YEATS2: variants seen among roughly 807,000 people sequenced by gnomAD.
The protein encoded by YEATS2 is YEATS domain containing 2.
YEATS2 carries 77 observed loss-of-function variants against 163.2 expected under a neutral mutation model. That is an observed-to-expected ratio of 0.47 (90% CI 0.39 to 0.57). YEATS2 has a LOEUF of 0.57. Ranked by LOEUF, YEATS2 falls within the 20% of genes least tolerant of loss-of-function variation. The pLI is 0.00. For synonymous variants in YEATS2, 631 were observed against 645.1 expected (o/e 0.98, Z 0.33); for missense variants, 1,549 against 1,729.8 (o/e 0.90, Z 1.85).
At chr3:183,728,891 G>C (rs1717412032) in intron 7 of YEATS2, 40 bp downstream of exon 7, 1 of 1,555,632 alleles carries the variant, frequency 6.4e-7, no homozygotes, top group South Asian at 1.2e-5. Context: ...TTGAAATGCA[G>C]ACTTATTTTT....
intron 10 of YEATS2, among the ~76,000 whole-genome samples, chr3:183,752,891 G>T (rs1280342869): frequency 6.6e-6 from 1 of 151,624 alleles, no homozygotes; most frequent in Non-Finnish European, 1.5e-5. Context: ...TCCACCTCCT[G>T]GGTTCAAGCA....
chr3:183,771,017 T>C (rs1172621252), intron 15 of YEATS2, among the ~76,000 whole-genome samples: 1 of 152,232 alleles, frequency 6.6e-6, no homozygotes, highest in Non-Finnish European at 1.5e-5. Flanking sequence ...CTTGAACGCA[T>C]GTATGTTTCT....
intron 8 of YEATS2, among the ~76,000 whole-genome samples, chr3:183,746,657 C>CT (rs560422111): frequency 0.45 from 62,873 of 141,244 alleles, 13,917 homozygotes; most frequent in East Asian, 0.64. Flanking sequence ...CTAAAATTAC[C>CT]TTTTTTTTTT....
chr3:183,754,848 T>TA (rs1720549462), intron 11 of YEATS2, among the ~76,000 whole-genome samples: 2 of 152,214 alleles, frequency 1.3e-5, no homozygotes, highest in Admixed American at 1.3e-4. Flanking sequence ...TGAGTTGTCT[T>TA]GTTCACTAAG....
intron 15 of YEATS2, among the ~76,000 whole-genome samples, chr3:183,771,122 C>A (rs1464187547): frequency 6.6e-6 from 1 of 152,208 alleles, no homozygotes; most frequent in Non-Finnish European, 1.5e-5. Context: ...AATGGCTGTC[C>A]AAATTTATCT....
chr3:183,795,455 ATTT>A (rs573338439), intron 21 of YEATS2, among the ~76,000 whole-genome samples: 1,512 of 79,856 alleles, frequency 0.019, 49 homozygotes, highest in African/African-American at 0.063. Context: ...CACGGGACTA[ATTT>A]TTTTTTTTTT....
intron 7 of YEATS2, among the ~76,000 whole-genome samples, chr3:183,730,063 T>TTG: frequency 1.1e-5 from 1 of 94,648 alleles, no homozygotes; most frequent in Non-Finnish European, 1.9e-5. Context: ...TTTTTTTTTT[T>TTG]TTTTTTTTTT....
Position 183,808,253 on chromosome 3 carries a change from GT to G in YEATS2, c.4086+157del. 5 of 638,650 alleles carry G rather than the reference GT, an allele frequency of 7.8e-6. No individual in the cohort carries two copies. In the South Asian group the frequency reaches 1.1e-4, roughly 14 times the overall value. The allele number at this position is 638,650 out of a possible 1,614,324, so 39.6% of individuals were successfully genotyped here. On this transcript the variant is annotated intron_variant, in intron 29 of 30. Transcript: ENST00000305135. ...TTAAGTTCTCTCTTTTTGTTTTTTT[GT>G]TTTTTTTCCTTCTGATTTTTAAATG...
chr3:183,735,932 C>T (rs1029804702), intron 7 of YEATS2, among the ~76,000 whole-genome samples: 1 of 152,202 alleles, frequency 6.6e-6, no homozygotes, highest in Non-Finnish European at 1.5e-5. Context: ...CATTCTCTCT[C>T]TTCCCTATGC....
chr3:183,783,988 C>CTCGAT (rs1462498621), intron 19 of YEATS2, among the ~76,000 whole-genome samples: 3 of 152,074 alleles, frequency 2.0e-5, no homozygotes, highest in African/African-American at 7.2e-5. Context: ...GTGCAGCACC[C>CTCGAT]TCGACCTCCT....
chr3:183,704,690 C>T (rs547362517), intron 1 of YEATS2, among the ~76,000 whole-genome samples: 68 of 151,554 alleles, frequency 4.5e-4, no homozygotes, highest in African/African-American at 1.5e-3. Flanking sequence ...AGTGCAGTGG[C>T]GTGATTTCGG....
intron 8 of YEATS2, among the ~76,000 whole-genome samples, chr3:183,737,371 T>C (rs538065013): frequency 6.6e-6 from 1 of 152,190 alleles, no homozygotes; most frequent in Non-Finnish European, 1.5e-5. Flanking sequence ...AGAGATACTA[T>C]TTCTGAGTAT....
rs1716141985 is a variant in YEATS2, at chr3:183,718,488, A to G, written c.199-12A>G. The G allele has an allele frequency of 1.2e-6, 2 of 1,607,146 alleles. No individual in the cohort carries two copies. The highest frequency in any genetic ancestry group is 1.3e-5 in the African/African-American group (1 of 74,596). On this transcript the variant is annotated splice_polypyrimidine_tract_variant and intron_variant, in intron 3 of 30. Coordinates refer to ENST00000305135, the MANE Select transcript of YEATS2 (RefSeq NM_018023.5). ...CCGTTTTTTAAAGTAATGAGTTAAC[A>G]TTTGTTTTTAGCGACTGATTGAAGC...
At chr3:183,790,057 G>T (rs968887012) in intron 20 of YEATS2, among the ~76,000 whole-genome samples, 1 of 152,172 alleles carries the variant, frequency 6.6e-6, no homozygotes, top group Non-Finnish European at 1.5e-5. Context: ...CTGCTTTGCA[G>T]CTTCTTGAAC....
At chr3:183,714,181 C>G (rs1715571338) in intron 1 of YEATS2, among the ~76,000 whole-genome samples, 1 of 150,446 alleles carries the variant, frequency 6.6e-6, no homozygotes, top group South Asian at 2.1e-4. Flanking sequence ...CAGTAAAGGT[C>G]TAGAGGATTT....
chr3:183,780,414 G>A (rs1006533062), intron 19 of YEATS2, among the ~76,000 whole-genome samples: 3 of 152,208 alleles, frequency 2.0e-5, no homozygotes, highest in Admixed American at 6.5e-5. Context: ...TTCTCCTGGC[G>A]TGTCCCACGT....
At chr3:183,788,891 T>G (rs758984267) in intron 20 of YEATS2, among the ~76,000 whole-genome samples, 115 of 152,206 alleles carry the variant, frequency 7.6e-4, no homozygotes, top group Non-Finnish European at 1.5e-3. Flanking sequence ...TGTTGAGCAT[T>G]TTTTTATATG....
At chr3:183,731,408 C>G (rs989273201) in intron 7 of YEATS2, among the ~76,000 whole-genome samples, 1 of 151,838 alleles carries the variant, frequency 6.6e-6, no homozygotes, top group Non-Finnish European at 1.5e-5. Context: ...ATAGAAATCT[C>G]ATATACCCAA....
intron 26 of YEATS2, 127 bp from the exon 27 acceptor site, chr3:183,803,860 G>GTTTT: frequency 1.0e-6 from 1 of 978,706 alleles, no homozygotes. Flanking sequence ...ACACAACCAG[G>GTTTT]TTTTTTTCTT....
Sources: allele counts gnomAD v4.1 joint callset (sites outside exome capture counted in the v4.1 genomes callset), GRCh38; gene constraint gnomAD v4.1.1; transcripts MANE v1.5; gene names NCBI Gene and HGNC (gene_info 2026-07-23, HGNC 2026-07-21).